Variants in SLC25A48 observed in about 807,000 individuals in gnomAD.
The protein encoded by SLC25A48 is solute carrier family 25 member 48.
In SLC25A48, 29 loss-of-function variants were observed where a neutral mutation model predicts 32.2. That is an observed-to-expected ratio of 0.90 (90% CI 0.67 to 1.23). The LOEUF is 1.23. Among genes scored for constraint, SLC25A48 ranks in the 50% most tolerant of loss-of-function variants. The probability of loss-of-function intolerance (pLI) is 0.00; values close to 1 mark genes in which losing one functional copy is unlikely to be tolerated. For missense variants in SLC25A48, 399 were observed against 422.7 expected, an observed-to-expected ratio of 0.94 and a Z score of 0.49; for synonymous variants, 164 against 172.3, an observed-to-expected ratio of 0.95 and a Z score of 0.38.
chr5:135,764,246 C>T (rs1756143251), intron 3 of SLC25A48, among the ~76,000 whole-genome samples: 1 of 151,870 alleles, frequency 6.6e-6, no homozygotes, highest in Non-Finnish European at 1.5e-5. Flanking sequence ...CTCCCCATAT[C>T]GTGGGGATTT....
rs145451623 is a variant in SLC25A48, at chr5:135,844,013, G to A, written c.90+1554G>A. On this transcript the variant is annotated intron_variant, in intron 2 of 7. Coordinates refer to ENST00000681962, the MANE Select transcript of SLC25A48 (RefSeq NM_001349336.2). ...GCTGAGCCATTGCTGCCCAGAGTTA[G>A]GGCCCATGTCTGGCACTCCCCAGGG... Among the ~76,000 whole-genome samples, 827 of 152,282 alleles carry A rather than the reference G, an allele frequency of 5.4e-3. 8 individuals carry two copies. Among genetic ancestry groups the A allele is most frequent in the African/African-American group, 0.018 (768 of 41,558 alleles).
chr5:135,770,750 C>T (rs987061060), intron 3 of SLC25A48, among the ~76,000 whole-genome samples: 2 of 151,366 alleles, frequency 1.3e-5, no homozygotes, highest in Admixed American at 6.6e-5. Context: ...TGGCATTGTT[C>T]CTAATATCCA....
intron 3 of SLC25A48, among the ~76,000 whole-genome samples, chr5:135,806,556 G>A (rs757497465): frequency 6.6e-6 from 1 of 150,614 alleles, no homozygotes; most frequent in Non-Finnish European, 1.5e-5. Flanking sequence ...TTAATATCGT[G>A]TGTTAACACT....
At chr5:135,660,262 T>C (rs956207486) in intron 3 of SLC25A48, among the ~76,000 whole-genome samples, 3 of 152,210 alleles carry the variant, frequency 2.0e-5, no homozygotes, top group Non-Finnish European at 4.4e-5. Flanking sequence ...CATAGTGAAA[T>C]ATCACAACCA....
In SLC25A48 at chr5:135,871,371, G is replaced by A. The variant is rs138219406; in HGVS notation, c.422-90G>A. The A allele has an allele frequency of 3.9e-5, 57 of 1,459,910 alleles. No homozygotes were observed. The African/African-American group carries it at 6.5e-4, about 17-fold the overall frequency. 90.4% of individuals were successfully genotyped at this position (1,459,910 alleles called of 1,614,324 possible). ...CTGATGGGCTACATGAGAGGGAACT[G>A]TCAAAGGGCTGGGCTGGCTCCAGTG... is the stretch of plus-strand genomic sequence containing the variant. On this transcript the variant is annotated intron_variant, in intron 4 of 7. Coordinates refer to ENST00000681962, the MANE Select transcript of SLC25A48 (RefSeq NM_001349336.2).
At chr5:135,637,841 G>A (rs1752740804) in intron 3 of SLC25A48, among the ~76,000 whole-genome samples, 1 of 152,160 alleles carries the variant, frequency 6.6e-6, no homozygotes. Context: ...TGGATGTTTG[G>A]GCTGTATTTG....
In SLC25A48 at chr5:135,888,066, G is replaced by C. The variant is rs1325930507; in HGVS notation, c.*42G>C. ...ACAGGATGACTACAGTGTTCCCTGG[G>C]CCTCATCTCTGCATGTGAAGCCCTG... On this transcript the variant is annotated 3_prime_UTR_variant, in exon 8 of 8. Transcript: ENST00000681962. 4 of 1,551,580 alleles carry C rather than the reference G, an allele frequency of 2.6e-6. No individual in the cohort carries two copies. In the African/African-American group the frequency reaches 4.1e-5, roughly 16 times the overall value.
chr5:135,738,097 T>A (rs940036160), intron 3 of SLC25A48, among the ~76,000 whole-genome samples: 2 of 152,216 alleles, frequency 1.3e-5, no homozygotes, highest in Non-Finnish European at 1.5e-5. Context: ...TTCTAGCTAC[T>A]CTGTCTCCAT....
intron 3 of SLC25A48, among the ~76,000 whole-genome samples, chr5:135,786,173 G>A (rs1756844656): frequency 1.3e-5 from 2 of 152,032 alleles, no homozygotes; most frequent in African/African-American, 2.4e-5. Context: ...GTGGGGAGAC[G>A]GTACTATTAC....
At chr5:135,777,597 G>A (rs1455987625) in intron 3 of SLC25A48, among the ~76,000 whole-genome samples, 2 of 151,714 alleles carry the variant, frequency 1.3e-5, no homozygotes, top group South Asian at 2.1e-4. Context: ...ATATTGCAGG[G>A]CATGTAACCG....
intron 4 of SLC25A48, among the ~76,000 whole-genome samples, chr5:135,860,651 A>G (rs1185633810): frequency 1.3e-5 from 2 of 152,250 alleles, no homozygotes; most frequent in African/African-American, 4.8e-5. Flanking sequence ...TGTGAATTGC[A>G]TAGAATGGGG....
At chr5:135,691,346 G>A (rs957560606) in intron 3 of SLC25A48, among the ~76,000 whole-genome samples, 4 of 152,200 alleles carry the variant, frequency 2.6e-5, no homozygotes, top group Non-Finnish European at 1.5e-5. Flanking sequence ...GTGATAAAAA[G>A]CACGGGTTGT....
intron 1 of SLC25A48, among the ~76,000 whole-genome samples, chr5:135,582,994 G>C (rs1318881913): frequency 1.3e-5 from 2 of 152,212 alleles, no homozygotes; most frequent in African/African-American, 4.8e-5. Flanking sequence ...TGGATGATCT[G>C]TCTGTGTCTG....
chr5:135,769,923 G>A lies in SLC25A48; in HGVS notation c.-520-42600G>A, dbSNP rs987216809. On this transcript the variant is annotated intron_variant, in intron 3 of 10. Coordinates refer to the SLC25A48 transcript ENST00000646290. ...TGTACACACCCCTGTGATATTGTTC[G>A]TAATATCCAGGGGGGAGAAAGTATA... 4.0e-5 allele frequency among the ~76,000 whole-genome samples: 6 copies of A among 149,202 alleles called. No homozygotes were observed. In the South Asian group the frequency reaches 6.4e-4, roughly 16 times the overall value.
In SLC25A48 at chr5:135,790,043, A is replaced by G. The variant is rs534842836; in HGVS notation, c.-520-22480A>G. 3.3e-5 allele frequency among the ~76,000 whole-genome samples: 5 copies of G among 152,064 alleles called. No individual in the cohort carries two copies. The East Asian group carries it at 9.6e-4, about 29-fold the overall frequency. On this transcript the variant is annotated intron_variant, in intron 3 of 10. Transcript: ENST00000646290. ...ATTAAGTGTAACATCTCAATAGGAT[A>G]TTAGTAATAATATAACTGGGAGTAC...
intron 5 of SLC25A48, chr5:135,872,038 T>C (rs1668737020): frequency 8.0e-7 from 1 of 1,255,832 alleles, no homozygotes; most frequent in Admixed American, 3.7e-5. Context: ...AAATGCAATC[T>C]TTGTAATGTA....
chr5:135,724,789 C>T (rs1755049213), intron 3 of SLC25A48, among the ~76,000 whole-genome samples: 2 of 152,228 alleles, frequency 1.3e-5, no homozygotes, highest in African/African-American at 4.8e-5. Context: ...TTAGAGTTGG[C>T]CAATAGCTCT....
chr5:135,608,343 G>A (rs1751987028), intron 1 of SLC25A48, among the ~76,000 whole-genome samples: 1 of 152,192 alleles, frequency 6.6e-6, no homozygotes, highest in African/African-American at 2.4e-5. Flanking sequence ...TCATGTTTTA[G>A]GTTCATCAAA....
chr5:135,758,241 A>G (rs1224109670), intron 3 of SLC25A48, among the ~76,000 whole-genome samples: 2 of 150,840 alleles, frequency 1.3e-5, no homozygotes, highest in African/African-American at 2.4e-5. Context: ...TATGATATTT[A>G]TAATATCCCT....
Sources: allele counts gnomAD v4.1 joint callset (sites outside exome capture counted in the v4.1 genomes callset), GRCh38; gene constraint gnomAD v4.1.1; transcripts MANE v1.5; gene names NCBI Gene and HGNC (gene_info 2026-07-23, HGNC 2026-07-21).